DOCK1: variants seen among roughly 807,000 people sequenced by gnomAD.
DOCK1 encodes dedicator of cytokinesis protein 1.
In DOCK1, 138 loss-of-function variants were observed where a neutral mutation model predicts 262.7. The observed-to-expected ratio is 0.53, with a 90% CI of 0.46 to 0.61. The LOEUF (loss-of-function observed/expected upper bound fraction) is 0.61, where lower values mean the gene tolerates loss of function less well. Ranked by LOEUF, DOCK1 falls within the 20% of genes least tolerant of loss-of-function variation. DOCK1 has a pLI of 0.00. For synonymous variants in DOCK1, 866 were observed against 867.4 expected, an observed-to-expected ratio of 1.00 and a Z score of 0.03; for missense variants, 1,908 against 2,370.7, an observed-to-expected ratio of 0.80 and a Z score of 4.05.
At chr10:127,230,773 G>GT (rs779499172) in intron 27 of DOCK1, among the ~76,000 whole-genome samples, 5 of 142,770 alleles carry the variant, frequency 3.5e-5, no homozygotes, top group South Asian at 2.2e-4. Flanking sequence ...TTTGTTTTTT[G>GT]TTTTTTTGTT....
intron 1 of DOCK1, among the ~76,000 whole-genome samples, chr10:126,907,148 T>C (rs2031022667): frequency 6.6e-6 from 1 of 151,798 alleles, no homozygotes; most frequent in Non-Finnish European, 1.5e-5. Flanking sequence ...TCGGGGTGGA[T>C]ATTCCACCTG....
intron 27 of DOCK1, among the ~76,000 whole-genome samples, chr10:127,193,749 A>T (rs2056909503): frequency 6.6e-6 from 1 of 152,052 alleles, no homozygotes; most frequent in South Asian, 2.1e-4. Context: ...TGATTTATTT[A>T]AAAATTTTTC....
At chr10:127,324,997 G>A (rs2062696046) in intron 29 of DOCK1, among the ~76,000 whole-genome samples, 1 of 152,090 alleles carries the variant, frequency 6.6e-6, no homozygotes, top group Non-Finnish European at 1.5e-5. Flanking sequence ...CTTCAACACT[G>A]GGCTTCCTAC....
chr10:126,959,903 C>T (rs947117397), intron 1 of DOCK1, among the ~76,000 whole-genome samples: 4,226 of 152,130 alleles, frequency 0.028, 219 homozygotes, highest in African/African-American at 0.096. Context: ...CTGCAACCCC[C>T]GCCTCCCGGG....
intron 23 of DOCK1, among the ~76,000 whole-genome samples, chr10:127,077,090 G>C (rs2046608914): frequency 6.6e-6 from 1 of 152,094 alleles, no homozygotes. Context: ...CTTGCTTGTT[G>C]TTAATTAAGT....
intron 29 of DOCK1, among the ~76,000 whole-genome samples, chr10:127,292,013 C>G (rs900020156): frequency 3.9e-5 from 6 of 152,118 alleles, no homozygotes; most frequent in Admixed American, 3.3e-4. Context: ...CAAGGATGCA[C>G]AGGGCAGCCG....
chr10:127,436,817 C>A (rs1042898653), intron 48 of DOCK1, among the ~76,000 whole-genome samples: 2 of 152,010 alleles, frequency 1.3e-5, no homozygotes, highest in Non-Finnish European at 2.9e-5. Context: ...TATAATAATA[C>A]ATGAGTGTTA....
At chr10:127,066,882 C>T (rs976827749) in intron 23 of DOCK1, among the ~76,000 whole-genome samples, 9 of 152,216 alleles carry the variant, frequency 5.9e-5, no homozygotes, top group Non-Finnish European at 8.8e-5. Flanking sequence ...GATGGGGTAA[C>T]GCGCTGGTTT....
At chr10:127,005,307 AG>A (rs1232931905) in intron 10 of DOCK1, among the ~76,000 whole-genome samples, 1 of 151,934 alleles carries the variant, frequency 6.6e-6, no homozygotes, top group Non-Finnish European at 1.5e-5. Context: ...ACTTCAGCCT[AG>A]GCAACAGAGT....
At chr10:126,974,532 G>A (rs889523695) in intron 2 of DOCK1, among the ~76,000 whole-genome samples, 3 of 152,122 alleles carry the variant, frequency 2.0e-5, no homozygotes, top group Non-Finnish European at 4.4e-5. Flanking sequence ...CTTGCAAGCC[G>A]TGCCAGGGAG....
At chr10:127,241,199 G>T (rs1401809741) in intron 27 of DOCK1, among the ~76,000 whole-genome samples, 1 of 152,072 alleles carries the variant, frequency 6.6e-6, no homozygotes, top group Non-Finnish European at 1.5e-5. Context: ...CATACCTCTA[G>T]TCCCAGCTAC....
chr10:127,082,245 A>G (rs2046944870), intron 23 of DOCK1, among the ~76,000 whole-genome samples: 1 of 152,210 alleles, frequency 6.6e-6, no homozygotes, highest in Non-Finnish European at 1.5e-5. Context: ...AGAAATATTA[A>G]GCCATACTCA....
At chr10:126,991,774 C>T (rs1356209024) in intron 6 of DOCK1, among the ~76,000 whole-genome samples, 1 of 152,120 alleles carries the variant, frequency 6.6e-6, no homozygotes, top group African/African-American at 2.4e-5. Flanking sequence ...GGTGATCCAC[C>T]CGCCTTGGCA....
At chr10:127,123,140 C>T (rs957452486) in intron 25 of DOCK1, among the ~76,000 whole-genome samples, 7 of 152,182 alleles carry the variant, frequency 4.6e-5, no homozygotes, top group East Asian at 3.9e-4. Context: ...CTCTTGGGTC[C>T]GTCCTAAGCT....
rs1051238758 is a variant in DOCK1, at chr10:127,085,798, A to G, written c.2446-20433A>G. 1.2e-4 allele frequency among the ~76,000 whole-genome samples: 19 copies of G among 152,170 alleles called. 1 individual carries two copies. The highest frequency in any genetic ancestry group is 1.2e-3 in the Admixed American group (19 of 15,274). On this transcript the variant is annotated intron_variant, in intron 23 of 51. Transcript: ENST00000623213. ...AAGGAACTCTTTGCCTTCTTAGAGC[A>G]GGAGGGAACTGAGTTCTTCATAGAG... is the stretch of plus-strand genomic sequence containing the variant.
chr10:126,999,711 C>G (rs376623106), intron 9 of DOCK1, among the ~76,000 whole-genome samples: 1 of 152,190 alleles, frequency 6.6e-6, no homozygotes, highest in East Asian at 1.9e-4. Flanking sequence ...GAGTCTTGCT[C>G]TGTCACCCAG....
chr10:126,942,609 C>T (rs993961229), intron 1 of DOCK1, among the ~76,000 whole-genome samples: 6 of 151,942 alleles, frequency 3.9e-5, no homozygotes, highest in Non-Finnish European at 7.4e-5. Flanking sequence ...CCCGAGGGAG[C>T]CGAGCCAGCC....
chr10:126,907,489 G>GT (rs1447121336), intron 1 of DOCK1, among the ~76,000 whole-genome samples: 1 of 152,152 alleles, frequency 6.6e-6, no homozygotes, highest in Non-Finnish European at 1.5e-5. Flanking sequence ...CACATCACCA[G>GT]TAAGTGGTGC....
intron 46 of DOCK1, among the ~76,000 whole-genome samples, chr10:127,419,992 C>T (rs2068402219): frequency 6.6e-6 from 1 of 152,228 alleles, no homozygotes; most frequent in Non-Finnish European, 1.5e-5. Flanking sequence ...CTTTCCTCCC[C>T]TTGGTCAATT....
Sources: gnomAD v4.1 joint callset for allele counts (sites outside exome capture counted in the v4.1 genomes callset) on GRCh38, gnomAD v4.1.1 for gene constraint, MANE v1.5 for transcripts, NCBI Gene and HGNC (gene_info 2026-07-23, HGNC 2026-07-21) for gene names.